The following LPP variants were observed in gnomAD, a reference collection of about 807,000 sequenced individuals.
LPP encodes lipoma-preferred partner.
LPP carries 38 observed loss-of-function variants against 60.4 expected under a neutral mutation model. The observed-to-expected ratio is 0.63, with a 90% confidence interval of 0.49 to 0.83. The LOEUF is 0.83. Ranked by LOEUF, LPP falls within the 40% of genes least tolerant of loss-of-function variation. The pLI is 0.00. For missense variants in LPP, 902 were observed against 783.6 expected (o/e 1.15, Z -1.80); for synonymous variants, 328 against 290.8 (o/e 1.13, Z -1.30).
intron 6 of LPP, among the ~76,000 whole-genome samples, chr3:188,563,474 G>GTGTGTT (rs1553929593): frequency 1.3e-4 from 19 of 149,140 alleles, no homozygotes; most frequent in East Asian, 8.1e-4. Flanking sequence ...GTGTGTGTGT[G>GTGTGTT]TGTGTGTGTG....
intron 7 of LPP, among the ~76,000 whole-genome samples, chr3:188,639,846 A>G (rs1028491208): frequency 9.2e-5 from 14 of 152,228 alleles, no homozygotes; most frequent in African/African-American, 1.4e-4. Flanking sequence ...TGGAATGGCA[A>G]TCATTAAAAA....
At chr3:188,494,349 C>T (rs944831936) in intron 5 of LPP, among the ~76,000 whole-genome samples, 1 of 152,130 alleles carries the variant, frequency 6.6e-6, no homozygotes, top group Non-Finnish European at 1.5e-5. Context: ...AATTCTCAAG[C>T]CCCTTTGATT....
chr3:188,524,664 G>C lies in LPP; in HGVS notation c.307-1G>C. 6.2e-7 allele frequency: 1 copy of C among 1,612,788 alleles called. No homozygotes were observed. Among genetic ancestry groups the C allele is most frequent in the Non-Finnish European group, 8.5e-7 (1 of 1,179,398 alleles). On this transcript the variant is annotated splice_acceptor_variant, in intron 5 of 11. Transcript: ENST00000617246. LOFTEE classifies it high-confidence loss of function. ...TAACATGTCTGTGTTGCTTCCAACA[G>C]GGGAATCCCGGAGGCAAGACACTTG...
intron 1 of LPP, among the ~76,000 whole-genome samples, chr3:188,200,129 T>C (rs996119791): frequency 2.6e-5 from 4 of 152,154 alleles, no homozygotes; most frequent in African/African-American, 9.7e-5. Context: ...GGTTAATTTA[T>C]CTATTTTTTT....
intron 8 of LPP, among the ~76,000 whole-genome samples, chr3:188,754,104 C>T (rs1729326358): frequency 6.6e-6 from 1 of 152,158 alleles, no homozygotes; most frequent in Non-Finnish European, 1.5e-5. Context: ...CTTTACATGG[C>T]TAACAGTTGA....
chr3:188,253,021 C>T (rs1730442776), intron 2 of LPP, among the ~76,000 whole-genome samples: 1 of 151,526 alleles, frequency 6.6e-6, no homozygotes, highest in Non-Finnish European at 1.5e-5. Flanking sequence ...GATCTGCCCA[C>T]CTTGGCCTCC....
intron 2 of LPP, among the ~76,000 whole-genome samples, chr3:188,337,220 C>G (rs1361676054): frequency 2.6e-5 from 4 of 152,176 alleles, no homozygotes; most frequent in African/African-American, 9.7e-5. Context: ...TAGCTATGCA[C>G]TCCCAGAGCA....
chr3:188,737,017 A>T (rs1244796077), intron 8 of LPP, among the ~76,000 whole-genome samples: 7 of 152,100 alleles, frequency 4.6e-5, no homozygotes, highest in South Asian at 2.1e-4. Context: ...AAATTTATAT[A>T]AAAAAATGGG....
intron 3 of LPP, among the ~76,000 whole-genome samples, chr3:188,347,396 T>G (rs1391929099): frequency 1.3e-5 from 2 of 152,236 alleles, no homozygotes; most frequent in East Asian, 3.8e-4. Flanking sequence ...GATAATCATA[T>G]GAAACACATT....
chr3:188,332,108 C>T (rs1018433334), intron 2 of LPP, among the ~76,000 whole-genome samples: 19 of 152,026 alleles, frequency 1.2e-4, no homozygotes, highest in Non-Finnish European at 1.8e-4. Context: ...AATTTTATAA[C>T]GTATATACTC....
chr3:188,677,981 A>G (rs1053547805), intron 7 of LPP, among the ~76,000 whole-genome samples: 3 of 152,180 alleles, frequency 2.0e-5, no homozygotes, highest in African/African-American at 7.2e-5. Flanking sequence ...ACATGGTCCC[A>G]GGGTGGTCTT....
chr3:188,590,021 T>C (rs982370299), intron 6 of LPP, among the ~76,000 whole-genome samples: 1 of 152,246 alleles, frequency 6.6e-6, no homozygotes, highest in Non-Finnish European at 1.5e-5. Context: ...CAGCACTCTT[T>C]CGTATACTTA....
intron 1 of LPP, among the ~76,000 whole-genome samples, chr3:188,215,151 C>T (rs1713023429): frequency 6.6e-6 from 1 of 152,014 alleles, no homozygotes. Flanking sequence ...ACTAAAAATA[C>T]AAACATTAGC....
intron 7 of LPP, among the ~76,000 whole-genome samples, chr3:188,617,383 C>G (rs1478362153): frequency 6.6e-6 from 1 of 152,128 alleles, no homozygotes; most frequent in Non-Finnish European, 1.5e-5. Flanking sequence ...TAGTTCAAGA[C>G]AGAGGAGGTC....
chr3:188,540,246 T>C (rs1824789478), intron 6 of LPP, among the ~76,000 whole-genome samples: 1 of 152,180 alleles, frequency 6.6e-6, no homozygotes, highest in Admixed American at 6.6e-5. Flanking sequence ...CATTCTATCT[T>C]TGAGTTGGTA....
chr3:188,831,657 G>A (rs925059635), intron 9 of LPP, among the ~76,000 whole-genome samples: 2 of 152,192 alleles, frequency 1.3e-5, no homozygotes, highest in Non-Finnish European at 2.9e-5. Context: ...AGATCTCTCA[G>A]TACTCTTGGA....
At chr3:188,789,752 A>G (rs1205772052) in intron 9 of LPP, among the ~76,000 whole-genome samples, 1 of 152,266 alleles carries the variant, frequency 6.6e-6, no homozygotes, top group Non-Finnish European at 1.5e-5. Context: ...AGAATCATTT[A>G]TTAGACAAAA....
chr3:188,422,602 A>G (rs1247240123), intron 4 of LPP, among the ~76,000 whole-genome samples: 2 of 152,172 alleles, frequency 1.3e-5, no homozygotes, highest in African/African-American at 2.4e-5. Context: ...GGTTTTTACA[A>G]AAAGAATAGA....
At chr3:188,673,201 G>A (rs1186476509) in intron 7 of LPP, among the ~76,000 whole-genome samples, 1 of 151,964 alleles carries the variant, frequency 6.6e-6, no homozygotes, top group Non-Finnish European at 1.5e-5. Context: ...ATGTGAGCTG[G>A]GCAGATTCAT....
Sources: allele counts gnomAD v4.1 joint callset (sites outside exome capture counted in the v4.1 genomes callset), GRCh38; gene constraint gnomAD v4.1.1; transcripts MANE v1.5; gene names NCBI Gene and HGNC (gene_info 2026-07-23, HGNC 2026-07-21).